SLC4A10: variants seen among roughly 807,000 people sequenced by gnomAD.
SLC4A10 encodes the protein sodium-driven chloride bicarbonate exchanger.
In SLC4A10, 42 loss-of-function variants were observed where a neutral mutation model predicts 137.7. That is an observed-to-expected ratio of 0.30 (90% CI 0.24 to 0.39). SLC4A10 has a LOEUF of 0.39. SLC4A10 is among the 10% of genes least tolerant of loss of function. The pLI, the probability that SLC4A10 is intolerant of heterozygous loss-of-function variation, is 1.00. For synonymous variants in SLC4A10, 474 were observed against 464.1 expected (o/e 1.02, Z -0.27); for missense variants, 925 against 1,355.0 (o/e 0.68, Z 4.98).
At chr2:161,856,983 A>G (rs900054473) in intron 5 of SLC4A10, among the ~76,000 whole-genome samples, 1 of 152,218 alleles carries the variant, frequency 6.6e-6, no homozygotes, top group Non-Finnish European at 1.5e-5. Flanking sequence ...TGGCAAAATT[A>G]GCCTCAGAAC....
chr2:161,801,370 T>C (rs1306623949), intron 2 of SLC4A10, among the ~76,000 whole-genome samples: 1 of 152,064 alleles, frequency 6.6e-6, no homozygotes. Context: ...TATATATATA[T>C]TTTTGCTCTT....
intron 1 of SLC4A10, among the ~76,000 whole-genome samples, chr2:161,768,426 A>T (rs1437959563): frequency 6.6e-6 from 1 of 152,018 alleles, no homozygotes. Context: ...AAAAGATGGT[A>T]GGTCTCTTTG....
At chr2:161,916,772 G>T (rs144442789) in intron 15 of SLC4A10, among the ~76,000 whole-genome samples, 197 of 152,196 alleles carry the variant, frequency 1.3e-3, no homozygotes, top group African/African-American at 4.6e-3. Context: ...GAATGTTTCT[G>T]CCAGATACTT....
At chr2:161,655,371 C>A (rs1196066062) in intron 1 of SLC4A10, among the ~76,000 whole-genome samples, 11 of 152,078 alleles carry the variant, frequency 7.2e-5, no homozygotes, top group Admixed American at 7.2e-4. Flanking sequence ...TACCTTATTT[C>A]TCTGGCTAGG....
intron 1 of SLC4A10, among the ~76,000 whole-genome samples, chr2:161,722,174 A>G (rs942935746): frequency 6.6e-6 from 1 of 152,118 alleles, no homozygotes; most frequent in African/African-American, 2.4e-5. Context: ...TCTGCAGCCT[A>G]CTTTTGTCAG....
chr2:161,633,114 C>T (rs986716483), intron 1 of SLC4A10, among the ~76,000 whole-genome samples: 16 of 151,508 alleles, frequency 1.1e-4, no homozygotes, highest in African/African-American at 3.4e-4. Flanking sequence ...CATGGTGTTA[C>T]CTCTGGATAA....
chr2:161,676,376 T>C (rs2105821021), intron 1 of SLC4A10, among the ~76,000 whole-genome samples: 1 of 152,274 alleles, frequency 6.6e-6, no homozygotes, highest in South Asian at 2.1e-4. Flanking sequence ...AATCTGGTCA[T>C]TTATTGCCTA....
chr2:161,747,886 T>C (rs2048545339), intron 1 of SLC4A10, among the ~76,000 whole-genome samples: 1 of 152,174 alleles, frequency 6.6e-6, no homozygotes. Flanking sequence ...TTTTCCATAA[T>C]GGCTGTATCA....
At chr2:161,867,868 C>G (rs1265052695) in intron 6 of SLC4A10, among the ~76,000 whole-genome samples, 3 of 151,848 alleles carry the variant, frequency 2.0e-5, no homozygotes, top group Non-Finnish European at 4.4e-5. Context: ...GTGTCTGTCT[C>G]TAACAGGCTC....
intron 15 of SLC4A10, among the ~76,000 whole-genome samples, chr2:161,933,240 T>TTTCA (rs1690893053): frequency 1.5e-5 from 2 of 136,284 alleles, no homozygotes; most frequent in Non-Finnish European, 3.2e-5. Flanking sequence ...TCTTTCTTTC[T>TTTCA]TTCTTTCTTT....
intron 5 of SLC4A10, 97 bp downstream of exon 5, chr2:161,855,227 C>T: frequency 8.5e-7 from 1 of 1,180,988 alleles, no homozygotes; most frequent in Non-Finnish European, 1.2e-6. Flanking sequence ...CTTTGGAAAA[C>T]TAATTCTCAT....
chr2:161,673,122 C>G (rs531622304), intron 1 of SLC4A10, among the ~76,000 whole-genome samples: 2 of 152,308 alleles, frequency 1.3e-5, no homozygotes, highest in Admixed American at 1.3e-4. Context: ...AGCTAACACT[C>G]TTGTTGAAGT....
chr2:161,820,903 A>G lies in SLC4A10; in HGVS notation c.277+16308A>G, dbSNP rs546535330. Among the ~76,000 whole-genome samples the G allele has an allele frequency of 5.3e-5, 8 of 152,380 alleles. No homozygotes were observed. In the East Asian group the frequency reaches 1.5e-3, roughly 29 times the overall value. ...TGGGGTACATATTTACATTCCCACC[A>G]ATAAAGTGTGAGAACTTATGTTTTT... On this transcript the variant is annotated intron_variant, in intron 3 of 26. Transcript: ENST00000446997.
intron 1 of SLC4A10, among the ~76,000 whole-genome samples, chr2:161,687,584 G>A (rs1331909343): frequency 6.6e-6 from 1 of 151,900 alleles, no homozygotes; most frequent in East Asian, 1.9e-4. Flanking sequence ...TCTATATACT[G>A]TGTCCAAAGA....
chr2:161,708,852 GATA>G, intron 1 of SLC4A10: 1 of 1,521,800 alleles, frequency 6.6e-7, no homozygotes, highest in East Asian at 2.5e-5. Context: ...GAATTATGAT[GATA>G]ATATTAGAAT....
chr2:161,733,497 G>C (rs2047016977), intron 1 of SLC4A10, among the ~76,000 whole-genome samples: 1 of 152,238 alleles, frequency 6.6e-6, no homozygotes, highest in Non-Finnish European at 1.5e-5. Context: ...GAAATGCCTG[G>C]ATGACTAAGC....
intron 2 of SLC4A10, among the ~76,000 whole-genome samples, chr2:161,780,669 C>A (rs1156643557): frequency 6.6e-6 from 1 of 151,916 alleles, no homozygotes; most frequent in Non-Finnish European, 1.5e-5. Context: ...TTAAAAAATT[C>A]TTTCATTTCG....
chr2:161,962,538 G>A (rs1696898915), intron 21 of SLC4A10, among the ~76,000 whole-genome samples: 1 of 152,008 alleles, frequency 6.6e-6, no homozygotes, highest in Admixed American at 6.6e-5. Flanking sequence ...ATAATATTTA[G>A]GAAATAGAAA....
intron 1 of SLC4A10, among the ~76,000 whole-genome samples, chr2:161,749,560 A>T (rs1405832207): frequency 6.6e-6 from 1 of 151,862 alleles, no homozygotes; most frequent in Non-Finnish European, 1.5e-5. Context: ...TATCACATTG[A>T]TTTATCTGCA....
Sources: gnomAD v4.1 joint callset for allele counts (sites outside exome capture counted in the v4.1 genomes callset) on GRCh38, gnomAD v4.1.1 for gene constraint, MANE v1.5 for transcripts, NCBI Gene and HGNC (gene_info 2026-07-23, HGNC 2026-07-21) for gene names.